The following SLC26A7 variants were observed in gnomAD, a reference collection of about 807,000 sequenced individuals.
The protein encoded by SLC26A7 is anion exchange transporter.
In SLC26A7, 59 loss-of-function variants were observed where a neutral mutation model predicts 82.5. The observed-to-expected ratio is 0.72, with a 90% CI of 0.58 to 0.89. The LOEUF (loss-of-function observed/expected upper bound fraction) is 0.89. SLC26A7 is among the 40% of genes least tolerant of loss of function. SLC26A7 has a pLI of 0.00. For synonymous variants in SLC26A7, 271 were observed against 274.3 expected, an observed-to-expected ratio of 0.99 and a Z score of 0.12; for missense variants, 820 against 793.0, an observed-to-expected ratio of 1.03 and a Z score of -0.41.
chr8:91,260,630 A>G (rs1476024932), intron 2 of SLC26A7, among the ~76,000 whole-genome samples: 2 of 152,194 alleles, frequency 1.3e-5, no homozygotes, highest in Non-Finnish European at 2.9e-5. Context: ...AGATAGATGG[A>G]TGGGGTTTTC....
intron 5 of SLC26A7, among the ~76,000 whole-genome samples, chr8:91,330,496 G>A (rs1354339533): frequency 6.6e-6 from 1 of 152,102 alleles, no homozygotes; most frequent in Non-Finnish European, 1.5e-5. Flanking sequence ...TTATATTTAA[G>A]ATGCTAAATA....
chr8:91,317,254 T>C (rs1812663437), intron 4 of SLC26A7, among the ~76,000 whole-genome samples: 1 of 152,064 alleles, frequency 6.6e-6, no homozygotes, highest in Admixed American at 6.6e-5. Flanking sequence ...AGCTTCTACA[T>C]AGAGATGATG....
intron 11 of SLC26A7, among the ~76,000 whole-genome samples, chr8:91,356,504 T>G (rs1813873092): frequency 6.6e-6 from 1 of 152,178 alleles, no homozygotes; most frequent in South Asian, 2.1e-4. Flanking sequence ...TTTTCATGTG[T>G]TTTTTGGCTG....
rs1808548920 is a variant in SLC26A7, at chr8:91,395,678, C to T, written c.*581C>T. On this transcript the variant is annotated 3_prime_UTR_variant, in exon 19 of 19. Transcript: ENST00000276609. ...GAAATAATTCGTTTCCATATCTTTC[C>T]ATACATCCATTTCTGAAGTATTCAG... The T allele has an allele frequency of 6.6e-6, 1 of 152,154 alleles. No individual in the cohort carries two copies. Among genetic ancestry groups the T allele is most frequent in the South Asian group, 2.1e-4 (1 of 4,832 alleles). The allele number at this position is 152,154 out of a possible 1,614,324, so 9.4% of individuals were successfully genotyped here.
chr8:91,242,817 A>G (rs561238313), intron 2 of SLC26A7, among the ~76,000 whole-genome samples: 98 of 152,316 alleles, frequency 6.4e-4, no homozygotes, highest in Middle Eastern at 6.8e-3. Context: ...ACCTCAGCTC[A>G]TTAGTACAGA....
intron 1 of SLC26A7, among the ~76,000 whole-genome samples, chr8:91,218,476 A>T (rs1041494199): frequency 5.3e-5 from 8 of 152,198 alleles, no homozygotes; most frequent in Non-Finnish European, 1.0e-4. Context: ...ATTAATTTCC[A>T]TGGCAACTGC....
chr8:91,364,722 A>G (rs529702965), intron 13 of SLC26A7, among the ~76,000 whole-genome samples: 3 of 152,294 alleles, frequency 2.0e-5, no homozygotes, highest in South Asian at 2.1e-4. Context: ...AATAAATTCT[A>G]TCTAATCCTT....
chr8:91,265,413 T>C (rs1446174159), intron 2 of SLC26A7, among the ~76,000 whole-genome samples: 1 of 152,068 alleles, frequency 6.6e-6, no homozygotes, highest in African/African-American at 2.4e-5. Flanking sequence ...AGTAGTGGAA[T>C]TGGTGGATCA....
In SLC26A7 at chr8:91,340,502, T is replaced by C; in HGVS notation, c.977T>C (p.Leu326Pro). The change falls in exon 8 of 19, where the codon CTT (leucine) becomes CCT (proline). Residue 326 changes from leucine (L) to proline (P), a missense_variant. Transcript: ENST00000276609. ...GTAGGCTATGTGGCCTCACTGGCTC[T>C]TGCTCAAGGATCTGCCAAAAAATTC... The part of the protein sequence containing the change: ...ALVGYVASLA[L>P]AQGSAKKFKY... The C allele has an allele frequency of 1.2e-6, 2 of 1,613,978 alleles. No individual in the cohort carries two copies. Among genetic ancestry groups the C allele is most frequent in the Middle Eastern group, 1.7e-4 (1 of 6,058 alleles).
intron 11 of SLC26A7, 135 bp from the exon 12 acceptor site, chr8:91,362,218 C>T: frequency 3.4e-6 from 2 of 595,624 alleles, no homozygotes; most frequent in South Asian, 6.2e-5. Flanking sequence ...CTGTTTACCA[C>T]TTGTTAAATA....
rs56386837 is a variant in SLC26A7 at position 91,312,641 on chromosome 8, C to CTG, written c.478-5543_478-5542dup. Among the ~76,000 whole-genome samples, 742 of 149,640 alleles carry CTG rather than the reference C, an allele frequency of 5.0e-3. 3 individuals are homozygous for CTG. Among genetic ancestry groups the CTG allele is most frequent in the African/African-American group, 0.015 (624 of 40,844 alleles). On this transcript the variant is annotated intron_variant, in intron 4 of 18. Coordinates refer to ENST00000276609, the MANE Select transcript of SLC26A7 (RefSeq NM_052832.4). ...TTTCTGTGTGTGTATGTAGGTGTGT[C>CTG]TGTGTGTGTGTGTGTGTGTGTGTGT...
intron 1 of SLC26A7, among the ~76,000 whole-genome samples, chr8:91,214,042 A>T (rs947236402): frequency 2.0e-5 from 3 of 152,122 alleles, no homozygotes; most frequent in African/African-American, 7.2e-5. Context: ...GTGTTTTAGA[A>T]AGAGTCACTT....
chr8:91,215,658 A>G (rs1032795329), intron 1 of SLC26A7, among the ~76,000 whole-genome samples: 4 of 152,226 alleles, frequency 2.6e-5, no homozygotes, highest in Admixed American at 6.6e-5. Context: ...ATAAAAGCAT[A>G]TATAATCACA....
At position 91,306,281 on chromosome 8, in the gene SLC26A7, A is replaced by G. The variant is rs116590695; in HGVS notation, c.477+10578A>G. 8.2e-3 allele frequency among the ~76,000 whole-genome samples: 1,239 copies of G among 151,808 alleles called. 12 individuals are homozygous for G. Among genetic ancestry groups the G allele is most frequent in the African/African-American group, 0.027 (1,122 of 41,388 alleles). On this transcript the variant is annotated intron_variant, in intron 4 of 18. Coordinates refer to ENST00000276609, the MANE Select transcript of SLC26A7 (RefSeq NM_052832.4). ...TCTGAAATCCAGTGGCACATGTTCT[A>G]TTTCTCTCTTTTGTATGCGTGGTTT...
intron 2 of SLC26A7, among the ~76,000 whole-genome samples, chr8:91,288,592 G>A (rs1317466736): frequency 7.3e-6 from 1 of 136,120 alleles, no homozygotes; most frequent in Non-Finnish European, 1.7e-5. Context: ...TAGTTGGGAA[G>A]CACATGGGTT....
At chr8:91,338,724 C>T (rs1813314306) in intron 7 of SLC26A7, among the ~76,000 whole-genome samples, 1 of 152,096 alleles carries the variant, frequency 6.6e-6, no homozygotes, top group African/African-American at 2.4e-5. Context: ...TAGCCTTCCT[C>T]TGGCCACTAA....
intron 15 of SLC26A7, among the ~76,000 whole-genome samples, chr8:91,385,945 C>T (rs1425555933): frequency 1.3e-5 from 2 of 152,132 alleles, no homozygotes; most frequent in African/African-American, 2.4e-5. Context: ...GTAACATATA[C>T]ACAGATTGTT....
intron 1 of SLC26A7, among the ~76,000 whole-genome samples, chr8:91,215,923 C>T (rs1051468772): frequency 6.6e-6 from 1 of 152,142 alleles, no homozygotes; most frequent in African/African-American, 2.4e-5. Context: ...AATAGAAATA[C>T]AAATTTAAAA....
intron 4 of SLC26A7, among the ~76,000 whole-genome samples, chr8:91,301,240 A>G (rs1459991283): frequency 6.6e-6 from 1 of 152,008 alleles, no homozygotes; most frequent in Non-Finnish European, 1.5e-5. Context: ...TCAATGTTTT[A>G]CTTTCTTCTT....
Sources: gnomAD v4.1 joint callset for allele counts (sites outside exome capture counted in the v4.1 genomes callset) on GRCh38, gnomAD v4.1.1 for gene constraint, MANE v1.5 for transcripts, NCBI Gene and HGNC (gene_info 2026-07-23, HGNC 2026-07-21) for gene names.